Variants in CFAP221 observed in about 807,000 individuals in gnomAD.
CFAP221 encodes the protein cilia and flagella associated protein 221, also known as cilia- and flagella-associated protein 221.
In CFAP221, 97 loss-of-function variants were observed where a neutral mutation model predicts 113.1. The ratio of observed to expected loss-of-function variants is 0.86; its 90% CI spans 0.73 to 1.02. The LOEUF (loss-of-function observed/expected upper bound fraction) is 1.02, where lower values mean the gene tolerates loss of function less well. Among genes scored for constraint, CFAP221 ranks in the 50% least tolerant of loss-of-function variants. The pLI is 0.00. For synonymous variants in CFAP221, 331 were observed against 354.4 expected, an observed-to-expected ratio of 0.93 and a Z score of 0.74; for missense variants, 1,025 against 1,013.4, an observed-to-expected ratio of 1.01 and a Z score of -0.16.
At chr2:119,554,055 G>A (rs748114130) in intron 3 of CFAP221, among the ~76,000 whole-genome samples, 2 of 152,244 alleles carry the variant, frequency 1.3e-5, no homozygotes, top group South Asian at 2.1e-4. Context: ...TAACATTCTC[G>A]GAAATCTTGG....
Position 119,656,457 on chromosome 2 carries a change from TGATTCTA to T in CFAP221, c.2513_2519del (p.Ile838AsnfsTer6). Reference sequence around the variant, plus strand: ...CGGGGCAAAGCACTCAACACATACCTGATTCTAGAATGAAAGTCACCAGTAGGTCAGT... The same window carrying T: ...CGGGGCAAAGCACTCAACACATACCTGAATGAAAGTCACCAGTAGGTCAGT... On this transcript the variant is annotated frameshift_variant, in exon 24 of 24. Transcript: ENST00000413369. LOFTEE classifies it high-confidence loss of function. The T allele has an allele frequency of 1.9e-6, 3 of 1,613,174 alleles. No homozygotes were observed. The highest frequency in any genetic ancestry group is 2.5e-6 in the Non-Finnish European group (3 of 1,179,260).
chr2:119,606,169 A>ATT (rs750381470), intron 11 of CFAP221, among the ~76,000 whole-genome samples: 4 of 131,826 alleles, frequency 3.0e-5, no homozygotes, highest in African/African-American at 2.7e-5. Context: ...ATGCCCAGCA[A>ATT]ATTTTTTTTT....
intron 6 of CFAP221, among the ~76,000 whole-genome samples, chr2:119,566,558 C>CT (rs1265891926): frequency 6.6e-6 from 1 of 152,224 alleles, no homozygotes; most frequent in Non-Finnish European, 1.5e-5. Flanking sequence ...CATGAGTACC[C>CT]CCCCAGCTCC....
intron 8 of CFAP221, among the ~76,000 whole-genome samples, chr2:119,602,141 A>T (rs935072079): frequency 6.6e-6 from 1 of 152,176 alleles, no homozygotes; most frequent in African/African-American, 2.4e-5. Context: ...GCACTTTGGG[A>T]GGCTGAGACG....
At chr2:119,573,114 G>A (rs1043555094) in intron 6 of CFAP221, 8 of 152,846 alleles carry the variant, frequency 5.2e-5, no homozygotes, top group Admixed American at 4.6e-4. Context: ...TCTTAAGCTA[G>A]TGCTAAGAAG....
In CFAP221 at chr2:119,634,691, C is replaced by T. The variant is rs907046742; in HGVS notation, c.1975-3568C>T. 2.6e-5 allele frequency among the ~76,000 whole-genome samples: 4 copies of T among 152,168 alleles called. No individual in the cohort carries two copies. In the South Asian group the frequency reaches 6.2e-4, roughly 24 times the overall value. On this transcript the variant is annotated intron_variant, in intron 19 of 23. Transcript: ENST00000413369. The stretch of plus-strand genomic sequence containing the variant: ...CAACAGCATTGATAAACCTTGAGGA[C>T]ATTATGCTAAGCTAAATAAGCCAGC...
chr2:119,559,799 T>TCTCC, intron 4 of CFAP221, 24 bp downstream of exon 4: 1 of 1,501,306 alleles, frequency 6.7e-7, no homozygotes, highest in South Asian at 1.2e-5. Context: ...GTTTACCTGT[T>TCTCC]CTCCCACGGT....
intron 14 of CFAP221, 53 bp downstream of exon 14, chr2:119,615,762 G>A (rs765351784): frequency 1.0e-5 from 14 of 1,386,858 alleles, no homozygotes; most frequent in African/African-American, 1.4e-5. Context: ...TCAGCATAAG[G>A]AAATCAAGCA....
At chr2:119,641,099 G>T (rs984207462) in intron 21 of CFAP221, among the ~76,000 whole-genome samples, 1 of 152,142 alleles carries the variant, frequency 6.6e-6, no homozygotes, top group African/African-American at 2.4e-5. Context: ...CACTGAATTT[G>T]ACTTCCTCCT....
intron 19 of CFAP221, among the ~76,000 whole-genome samples, chr2:119,636,216 C>G (rs1687103772): frequency 6.6e-6 from 1 of 152,122 alleles, no homozygotes; most frequent in Admixed American, 6.5e-5. Flanking sequence ...AGAGTAAATG[C>G]TACTTATTAG....
intron 6 of CFAP221, among the ~76,000 whole-genome samples, chr2:119,576,836 G>T (rs1004439590): frequency 6.6e-6 from 1 of 152,188 alleles, no homozygotes; most frequent in African/African-American, 2.4e-5. Context: ...TTTCTTTGGG[G>T]ATTAGGGTTT....
downstream of CFAP221, chr2:119,656,764 C>A: frequency 4.6e-6 from 1 of 217,740 alleles, no homozygotes; most frequent in Non-Finnish European, 9.2e-6. Context: ...TTCTGGGGGT[C>A]TTTTGGAGGT....
At chr2:119,559,100 C>T (rs921065506) in intron 3 of CFAP221, among the ~76,000 whole-genome samples, 18 of 152,200 alleles carry the variant, frequency 1.2e-4, no homozygotes, top group African/African-American at 4.3e-4. Context: ...AACACCTTTC[C>T]TCAGAGACCC....
chr2:119,572,927 C>T, intron 6 of CFAP221: 1 of 251,348 alleles, frequency 4.0e-6, no homozygotes, highest in Non-Finnish European at 7.5e-6. Context: ...GCTTCTTGAA[C>T]TTTTATGTCA....
chr2:119,630,103 G>A (rs1315748406), intron 17 of CFAP221, 148 bp downstream of exon 17: 2 of 691,032 alleles, frequency 2.9e-6, no homozygotes, highest in East Asian at 2.8e-5. Context: ...GCATATGGGA[G>A]GTACAGCAGA....
intron 6 of CFAP221, among the ~76,000 whole-genome samples, chr2:119,570,597 A>G (rs966669551): frequency 1.3e-5 from 2 of 152,200 alleles, no homozygotes; most frequent in African/African-American, 4.8e-5. Flanking sequence ...TGTTCTGGAC[A>G]TTTTATATAA....
At chr2:119,645,120 G>C (rs74668261) in intron 21 of CFAP221, among the ~76,000 whole-genome samples, 1 of 149,100 alleles carries the variant, frequency 6.7e-6, no homozygotes, top group African/African-American at 2.5e-5. Context: ...CTCTCTCTCT[G>C]TCTCTGTCTG....
chr2:119,604,616 T>C, intron 8 of CFAP221, 56 bp from the exon 9 acceptor site: 1 of 1,447,994 alleles, frequency 6.9e-7, no homozygotes, highest in East Asian at 2.6e-5. Flanking sequence ...CATAAAACAT[T>C]AGGAACCTTG....
chr2:119,545,846 G>C (rs1680013149), intron 1 of CFAP221, among the ~76,000 whole-genome samples: 1 of 152,096 alleles, frequency 6.6e-6, no homozygotes, highest in South Asian at 2.1e-4. Context: ...AAAGCTCCTG[G>C]GGAGAATCAA....
Sources: gnomAD v4.1 joint callset for allele counts (sites outside exome capture counted in the v4.1 genomes callset) on GRCh38, gnomAD v4.1.1 for gene constraint, MANE v1.5 for transcripts, NCBI Gene and HGNC (gene_info 2026-07-23, HGNC 2026-07-21) for gene names.